The following SKIL variants were observed in gnomAD, a reference collection of about 807,000 sequenced individuals.
SKIL encodes ski-like protein.
In SKIL, 20 loss-of-function variants were observed where a neutral mutation model predicts 69.6. The ratio of observed to expected loss-of-function variants is 0.29; its 90% CI spans 0.20 to 0.42. The LOEUF (loss-of-function observed/expected upper bound fraction) is 0.42, where lower values mean the gene tolerates loss of function less well. Among genes scored for constraint, SKIL ranks in the 10% least tolerant of loss-of-function variants. The pLI is 1.00. For missense variants in SKIL, 745 were observed against 783.1 expected (o/e 0.95, Z 0.58); for synonymous variants, 310 against 279.9 (o/e 1.11, Z -1.08).
chr3:170,375,901 A>G, intron 2 of SKIL, among the ~76,000 whole-genome samples: 1 of 152,066 alleles, frequency 6.6e-6, no homozygotes, highest in East Asian at 1.9e-4. Flanking sequence ...TTTTAATTTA[A>G]AAAATCTGGA....
At chr3:170,368,694 G>A (rs6798399) in intron 2 of SKIL, among the ~76,000 whole-genome samples, 117,040 of 152,156 alleles carry the variant, frequency 0.77, 45,797 homozygotes, top group East Asian at 0.94. Context: ...ATAACTGAAT[G>A]TTGGGTTCAA....
chr3:170,377,050 C>T (rs1737065470), intron 2 of SKIL, among the ~76,000 whole-genome samples: 1 of 152,168 alleles, frequency 6.6e-6, no homozygotes, highest in Non-Finnish European at 1.5e-5. Context: ...TCTCCTTAGG[C>T]TGTCAGCTGT....
At chr3:170,363,579 G>C (rs2108893838) in intron 2 of SKIL, among the ~76,000 whole-genome samples, 1 of 152,062 alleles carries the variant, frequency 6.6e-6, no homozygotes, top group East Asian at 1.9e-4. Context: ...TCCGCCTCCT[G>C]GGTTCAAGTG....
At chr3:170,372,208 T>TA in intron 2 of SKIL, among the ~76,000 whole-genome samples, 1 of 152,346 alleles carries the variant, frequency 6.6e-6, no homozygotes, top group East Asian at 1.9e-4. Flanking sequence ...GATGTTATAT[T>TA]ACCAACTTTA....
At chr3:170,374,265 AG>A (rs11288195) in intron 2 of SKIL, among the ~76,000 whole-genome samples, 126,511 of 151,988 alleles carry the variant, frequency 0.83, 52,975 homozygotes, top group East Asian at 0.94. Context: ...ATGACCTAAG[AG>A]GAAAGAACCT....
intron 2 of SKIL, among the ~76,000 whole-genome samples, chr3:170,380,730 A>G (rs548540322): frequency 1.6e-4 from 25 of 152,310 alleles, no homozygotes; most frequent in South Asian, 4.1e-4. Context: ...GTTAGCATGC[A>G]TACTGAAACT....
intron 2 of SKIL, among the ~76,000 whole-genome samples, chr3:170,361,901 ATCC>A (rs1736259382): frequency 6.6e-6 from 1 of 152,012 alleles, no homozygotes; most frequent in South Asian, 2.1e-4. Context: ...TCTTTTTCTT[ATCC>A]TCTTTGGCAC....
intron 4 of SKIL, among the ~76,000 whole-genome samples, chr3:170,389,736 A>G (rs1043254085): frequency 1.3e-5 from 2 of 152,198 alleles, no homozygotes; most frequent in African/African-American, 2.4e-5. Context: ...CTGTATGTCT[A>G]TCTTTAAATC....
chr3:170,374,142 A>G (rs1736917611), intron 2 of SKIL, among the ~76,000 whole-genome samples: 1 of 152,252 alleles, frequency 6.6e-6, no homozygotes, highest in South Asian at 2.1e-4. Context: ...AGGAAGGTGC[A>G]GAAATTTAGA....
intron 6 of SKIL, among the ~76,000 whole-genome samples, chr3:170,391,921 A>G (rs1219003975): frequency 6.6e-6 from 1 of 152,210 alleles, no homozygotes; most frequent in Non-Finnish European, 1.5e-5. Context: ...GCACTGGAGC[A>G]AAAATAAGCA....
intron 2 of SKIL, among the ~76,000 whole-genome samples, chr3:170,369,782 AG>A (rs1156953628): frequency 6.6e-6 from 1 of 152,194 alleles, no homozygotes; most frequent in Admixed American, 6.5e-5. Context: ...TTCCTAGTAA[AG>A]GGGTAGAACT....
At chr3:170,371,178 A>G (rs992826788) in intron 2 of SKIL, among the ~76,000 whole-genome samples, 1 of 152,142 alleles carries the variant, frequency 6.6e-6, no homozygotes, top group Admixed American at 6.5e-5. Context: ...GTTTGTGCAA[A>G]AGCATTTCTA....
chr3:170,362,034 A>G (rs1231711356), intron 2 of SKIL, among the ~76,000 whole-genome samples: 2 of 152,086 alleles, frequency 1.3e-5, no homozygotes, highest in Admixed American at 1.3e-4. Context: ...TCAAAACAGC[A>G]TTTTTCAGAG....
chr3:170,387,759 TA>T lies in SKIL; in HGVS notation c.1430-2449del, dbSNP rs748924498. On this transcript the variant is annotated intron_variant, in intron 4 of 6. Transcript: ENST00000259119. ...TAAAACGGTGAAACCCCGTCTCTAC[TA>T]AAAAAAAAAAAAAATACAAAAAAAT... 1.6e-3 allele frequency among the ~76,000 whole-genome samples: 94 copies of T among 57,686 alleles called. 2 individuals are homozygous for T. Among genetic ancestry groups the T allele is most frequent in the Admixed American group, 3.3e-3 (14 of 4,278 alleles). The allele number at this position is 57,686 out of a possible 152,430, so 37.8% of individuals were successfully genotyped here.
At chr3:170,369,792 CTTGT>C (rs1736710906) in intron 2 of SKIL, among the ~76,000 whole-genome samples, 1 of 152,146 alleles carries the variant, frequency 6.6e-6, no homozygotes, top group African/African-American at 2.4e-5. Flanking sequence ...AGGGGTAGAA[CTTGT>C]TTGAGAATAG....
chr3:170,384,862 G>C, intron 4 of SKIL, 97 bp downstream of exon 4: 1 of 643,194 alleles, frequency 1.6e-6, no homozygotes, highest in African/African-American at 1.8e-5. Context: ...TAAATTTTCA[G>C]ATAATTGGAG....
Position 170,360,902 on chromosome 3 carries a change from T to C in SKIL, c.571T>C (p.Tyr191His). ...QQINTVCDEL[Y>H]IYCSRCTSDQ... ...AATAAATACAGTGTGTGATGAACTG[T>C]ACATATATTGTTCAAGGTGTACTTC... Residue 191 changes from tyrosine to histidine, a missense_variant, in exon 2 of 7, where the codon TAC becomes CAC. Transcript: ENST00000259119. 2 of 1,614,196 alleles carry C rather than the reference T, an allele frequency of 1.2e-6. No homozygotes were observed. The highest frequency in any genetic ancestry group is 1.7e-6 in the Non-Finnish European group (2 of 1,180,022).
intron 5 of SKIL, among the ~76,000 whole-genome samples, chr3:170,390,721 C>T (rs78517885): frequency 0.017 from 2,602 of 152,278 alleles, 49 homozygotes; most frequent in East Asian, 0.091. Context: ...ACCTTGTGAT[C>T]CACCAGCCTT....
At chr3:170,387,977 A>G (rs1219398932) in intron 4 of SKIL, among the ~76,000 whole-genome samples, 1 of 150,424 alleles carries the variant, frequency 6.6e-6, no homozygotes, top group Non-Finnish European at 1.5e-5. Context: ...TGCTATAAAT[A>G]CTTGTGTAGA....
Sources: allele counts gnomAD v4.1 joint callset (sites outside exome capture counted in the v4.1 genomes callset), GRCh38; gene constraint gnomAD v4.1.1; transcripts MANE v1.5; gene names NCBI Gene and HGNC (gene_info 2026-07-23, HGNC 2026-07-21).